Variants in DPP10 observed in about 807,000 individuals in gnomAD.
DPP10 encodes dipeptidyl peptidase like 10.
In DPP10, 33 loss-of-function variants were observed where a neutral mutation model predicts 120.9. That is an observed-to-expected ratio of 0.27 (90% confidence interval 0.21 to 0.37). The LOEUF (loss-of-function observed/expected upper bound fraction) is 0.37, where lower values mean the gene tolerates loss of function less well. Among genes scored for constraint, DPP10 ranks in the 10% least tolerant of loss-of-function variants. The pLI is 1.00. For synonymous variants in DPP10, 337 were observed against 326.1 expected (o/e 1.03, Z -0.36); for missense variants, 816 against 942.8 (o/e 0.87, Z 1.76).
chr2:115,732,375 A>C (rs2092931298), intron 8 of DPP10, among the ~76,000 whole-genome samples: 1 of 152,202 alleles, frequency 6.6e-6, no homozygotes, highest in South Asian at 2.1e-4. Context: ...AGTCCTTAAA[A>C]GTGTCAGTTT....
At chr2:114,644,472 T>C (rs62165211) in intron 1 of DPP10, among the ~76,000 whole-genome samples, 2,944 of 151,908 alleles carry the variant, frequency 0.019, 59 homozygotes, top group Non-Finnish European at 0.029. Flanking sequence ...TCTTGATTAT[T>C]ACACTTTATA....
chr2:114,562,305 C>T (rs1161131504), intron 1 of DPP10, among the ~76,000 whole-genome samples: 1 of 152,118 alleles, frequency 6.6e-6, no homozygotes, highest in Non-Finnish European at 1.5e-5. Flanking sequence ...TCTTCATTTC[C>T]AGTCTATTCT....
At chr2:114,970,480 T>C (rs1354260288) in intron 1 of DPP10, among the ~76,000 whole-genome samples, 2 of 152,164 alleles carry the variant, frequency 1.3e-5, no homozygotes, top group Non-Finnish European at 2.9e-5. Flanking sequence ...TGATAGGTTG[T>C]TTGCCACATT....
rs149948936 is a variant in DPP10, at chr2:115,332,783, T to C, written c.176-11034T>C. On this transcript the variant is annotated intron_variant, in intron 2 of 25. Transcript: ENST00000410059. ...GTTCCAGTTTGATTGCGCTGTGGTC[T>C]GAGAGACAGTTTTTTATAATTTCTG... Among the ~76,000 whole-genome samples the C allele has an allele frequency of 7.9e-3, 1,205 of 152,326 alleles. 30 individuals carry two copies. The highest frequency in any genetic ancestry group is 0.03 in the East Asian group (156 of 5,182).
At chr2:115,454,419 G>T (rs891573448) in intron 3 of DPP10, among the ~76,000 whole-genome samples, 5 of 151,674 alleles carry the variant, frequency 3.3e-5, no homozygotes, top group Admixed American at 6.6e-5. Context: ...GACAGTCAAG[G>T]TTGGTTTGTC....
chr2:115,312,851 A>G (rs1238976346), intron 2 of DPP10, among the ~76,000 whole-genome samples: 1 of 152,150 alleles, frequency 6.6e-6, no homozygotes, highest in Non-Finnish European at 1.5e-5. Context: ...TCAGGAGGGG[A>G]AGCTTCTGAC....
intron 3 of DPP10, among the ~76,000 whole-genome samples, chr2:115,364,930 A>G (rs1427950486): frequency 6.6e-6 from 1 of 152,106 alleles, no homozygotes; most frequent in Non-Finnish European, 1.5e-5. Flanking sequence ...CTCCTTCCAA[A>G]AATTAAAGAG....
At position 114,451,694 on chromosome 2, in the gene DPP10, T is replaced by G. The variant is rs572199290; in HGVS notation, c.60+8856T>G. On this transcript the variant is annotated intron_variant, in intron 1 of 25. Coordinates refer to ENST00000410059, the MANE Select transcript of DPP10 (RefSeq NM_020868.6). ...CAAATGCATACATGGAGCTGGACTTTGTGTTGTTTTTCAGGATTTGGCTGT... is the reference window on the plus strand; with the variant it reads ...CAAATGCATACATGGAGCTGGACTTGGTGTTGTTTTTCAGGATTTGGCTGT... 3.3e-5 allele frequency among the ~76,000 whole-genome samples: 5 copies of G among 152,194 alleles called. No homozygotes were observed. The East Asian group carries it at 9.6e-4, about 29-fold the overall frequency.
chr2:115,358,702 A>G (rs1018646285), intron 3 of DPP10, among the ~76,000 whole-genome samples: 3 of 152,208 alleles, frequency 2.0e-5, no homozygotes, highest in Non-Finnish European at 4.4e-5. Flanking sequence ...ATGAAGAGAT[A>G]CCTGAGACTG....
At chr2:114,631,895 A>T (rs1694953317) in intron 1 of DPP10, among the ~76,000 whole-genome samples, 1 of 152,158 alleles carries the variant, frequency 6.6e-6, no homozygotes. Context: ...ATTAGTATCT[A>T]ATCTGGTTCT....
chr2:115,495,306 G>C (rs2076333265), intron 3 of DPP10, among the ~76,000 whole-genome samples: 1 of 129,894 alleles, frequency 7.7e-6, no homozygotes, highest in African/African-American at 2.8e-5. Context: ...TGATAATTGA[G>C]CCATTTACCC....
chr2:115,165,824 C>A (rs2052794178), intron 1 of DPP10, among the ~76,000 whole-genome samples: 1 of 152,092 alleles, frequency 6.6e-6, no homozygotes, highest in African/African-American at 2.4e-5. Flanking sequence ...ACAAAAACAA[C>A]AAAAACAAAA....
In DPP10 at chr2:115,620,349, C is replaced by G. The variant is rs2084852373; in HGVS notation, c.442-69338C>G. On this transcript the variant is annotated intron_variant, in intron 5 of 25. Coordinates refer to ENST00000410059, the MANE Select transcript of DPP10 (RefSeq NM_020868.6). Reference sequence around the variant, plus strand: ...ATTGTCCAGATTCAGAAACTTGTAGCTGTCATCTTCTAGTTTCCTCACTGC... The same window carrying G: ...ATTGTCCAGATTCAGAAACTTGTAGGTGTCATCTTCTAGTTTCCTCACTGC... Among the ~76,000 whole-genome samples, 4 of 152,218 alleles carry G rather than the reference C, an allele frequency of 2.6e-5. No homozygotes were observed. The South Asian group carries it at 8.3e-4, about 31-fold the overall frequency.
chr2:115,136,596 A>G (rs1331811794), intron 1 of DPP10, among the ~76,000 whole-genome samples: 3 of 152,134 alleles, frequency 2.0e-5, no homozygotes, highest in Non-Finnish European at 4.4e-5. Flanking sequence ...CTCATTGCCC[A>G]GGGATTAAAA....
intron 1 of DPP10, among the ~76,000 whole-genome samples, chr2:114,988,603 T>C (rs924791975): frequency 6.6e-6 from 1 of 152,242 alleles, no homozygotes; most frequent in African/African-American, 2.4e-5. Context: ...GTCATTTTTC[T>C]CTTTTTGTAG....
At chr2:114,570,044 G>A (rs1264627567) in intron 1 of DPP10, among the ~76,000 whole-genome samples, 1 of 152,172 alleles carries the variant, frequency 6.6e-6, no homozygotes, top group Non-Finnish European at 1.5e-5. Context: ...TTGTCAAAGA[G>A]GGTGAATATG....
intron 5 of DPP10, among the ~76,000 whole-genome samples, chr2:115,546,858 G>A (rs751414726): frequency 1.3e-5 from 2 of 152,116 alleles, no homozygotes; most frequent in Non-Finnish European, 2.9e-5. Flanking sequence ...TGTGAGACAG[G>A]TCTTTCCAGC....
chr2:114,840,721 A>G (rs1244576587), intron 1 of DPP10, among the ~76,000 whole-genome samples: 1 of 152,178 alleles, frequency 6.6e-6, no homozygotes, highest in Non-Finnish European at 1.5e-5. Context: ...CAGAAGTCAC[A>G]GAGTATTTAC....
chr2:114,709,587 T>G (rs1019658747), intron 1 of DPP10, among the ~76,000 whole-genome samples: 1 of 152,218 alleles, frequency 6.6e-6, no homozygotes, highest in African/African-American at 2.4e-5. Flanking sequence ...ATGATTTTAT[T>G]TTTTAGCTAA....
Sources: gnomAD v4.1 joint callset for allele counts (sites outside exome capture counted in the v4.1 genomes callset) on GRCh38, gnomAD v4.1.1 for gene constraint, MANE v1.5 for transcripts, NCBI Gene and HGNC (gene_info 2026-07-23, HGNC 2026-07-21) for gene names.